The following ADARB2 variants were observed in gnomAD, a reference collection of about 807,000 sequenced individuals.
ADARB2 encodes the protein adenosine deaminase RNA specific B2 (inactive), also known as inactive double-stranded RNA-specific editase B2.
In ADARB2, 25 loss-of-function variants were observed where a neutral mutation model predicts 62.2. The ratio of observed to expected loss-of-function variants is 0.40; its 90% confidence interval spans 0.29 to 0.56. ADARB2 has a LOEUF of 0.56. ADARB2 is among the 20% of genes least tolerant of loss of function. The probability of loss-of-function intolerance (pLI) is 0.43; values close to 1 mark genes in which losing one functional copy is unlikely to be tolerated. For missense variants in ADARB2, 1,071 were observed against 1,077.4 expected (o/e 0.99, Z 0.08); for synonymous variants, 572 against 500.8 (o/e 1.14, Z -1.90).
At chr10:1,364,808 CTCTA>C (rs1331055947) in intron 2 of ADARB2, among the ~76,000 whole-genome samples, 1 of 151,944 alleles carries the variant, frequency 6.6e-6, no homozygotes, top group Non-Finnish European at 1.5e-5. Flanking sequence ...AGTTGAGCAA[CTCTA>C]TCAGCCCACT....
intron 1 of ADARB2, among the ~76,000 whole-genome samples, chr10:1,614,420 T>C (rs1833605745): frequency 6.6e-6 from 1 of 152,260 alleles, no homozygotes; most frequent in Non-Finnish European, 1.5e-5. Flanking sequence ...GCAATGATTT[T>C]ATTTATCTAA....
intron 1 of ADARB2, among the ~76,000 whole-genome samples, chr10:1,605,003 A>G (rs1588320288): frequency 6.6e-6 from 1 of 152,244 alleles, no homozygotes; most frequent in African/African-American, 2.4e-5. Flanking sequence ...CACATTTTCC[A>G]TGCAATTATT....
intron 1 of ADARB2, among the ~76,000 whole-genome samples, chr10:1,592,010 G>A (rs956900776): frequency 1.3e-5 from 2 of 152,306 alleles, no homozygotes; most frequent in Admixed American, 6.5e-5. Flanking sequence ...CCGGCTCTAC[G>A]GCTGACCCTG....
chr10:1,331,399 T>C (rs1248841168), intron 3 of ADARB2, among the ~76,000 whole-genome samples: 2 of 152,196 alleles, frequency 1.3e-5, no homozygotes, highest in Middle Eastern at 3.2e-3. Flanking sequence ...ATTCTGGACA[T>C]CCATACAGTG....
At chr10:1,281,267 T>C (rs1183327512) in intron 3 of ADARB2, among the ~76,000 whole-genome samples, 1 of 152,198 alleles carries the variant, frequency 6.6e-6, no homozygotes, top group Non-Finnish European at 1.5e-5. Flanking sequence ...GTCTTGAGCA[T>C]GTGCTGGGGG....
intron 1 of ADARB2, among the ~76,000 whole-genome samples, chr10:1,465,816 A>G (rs1012879713): frequency 6.6e-6 from 1 of 152,192 alleles, no homozygotes. Context: ...TGGGGCCCCC[A>G]GAGCTAGAGC....
intron 8 of ADARB2, chr10:1,186,357 T>C (rs945577660): frequency 9.7e-6 from 4 of 413,488 alleles, no homozygotes; most frequent in East Asian, 7.2e-5. Context: ...GGAAGATGCA[T>C]GGTCCACACA....
chr10:1,383,346 T>A (rs1250962779), intron 1 of ADARB2, among the ~76,000 whole-genome samples: 3 of 152,322 alleles, frequency 2.0e-5, no homozygotes, highest in Non-Finnish European at 4.4e-5. Context: ...TTCCTAATCA[T>A]CTTGTTTAGA....
At chr10:1,197,897 C>A (rs1007824788) in intron 8 of ADARB2, among the ~76,000 whole-genome samples, 1 of 152,164 alleles carries the variant, frequency 6.6e-6, no homozygotes. Flanking sequence ...GTCAAAGTGG[C>A]TATTTCATCT....
At chr10:1,510,810 A>C (rs1024570425) in intron 1 of ADARB2, among the ~76,000 whole-genome samples, 14 of 152,158 alleles carry the variant, frequency 9.2e-5, no homozygotes, top group Admixed American at 6.5e-5. Context: ...CCACAAAACC[A>C]GTAATCATCA....
chr10:1,440,599 A>G (rs1830893939), intron 1 of ADARB2, among the ~76,000 whole-genome samples: 1 of 152,096 alleles, frequency 6.6e-6, no homozygotes, highest in Non-Finnish European at 1.5e-5. Flanking sequence ...TGCACAACCT[A>G]ATTTATCTGT....
chr10:1,417,900 G>C (rs1282107938), intron 1 of ADARB2, among the ~76,000 whole-genome samples: 1 of 152,290 alleles, frequency 6.6e-6, no homozygotes, highest in Non-Finnish European at 1.5e-5. Flanking sequence ...GGCAGGAAGA[G>C]CAGACGCCAG....
At chr10:1,318,158 CTTA>C (rs1428132524) in intron 3 of ADARB2, among the ~76,000 whole-genome samples, 11 of 152,210 alleles carry the variant, frequency 7.2e-5, no homozygotes, top group Admixed American at 3.3e-4. Context: ...GTTTCTGCTA[CTTA>C]TTATTAGTTT....
At chr10:1,401,261 A>G (rs920371399) in intron 1 of ADARB2, among the ~76,000 whole-genome samples, 3 of 152,144 alleles carry the variant, frequency 2.0e-5, no homozygotes, top group Admixed American at 1.3e-4. Context: ...TCTGGTCGTG[A>G]CTTTCCCACA....
At chr10:1,726,248 G>A (rs1835162728) in intron 1 of ADARB2, among the ~76,000 whole-genome samples, 1 of 152,338 alleles carries the variant, frequency 6.6e-6, no homozygotes, top group African/African-American at 2.4e-5. Flanking sequence ...GTGTGTATGA[G>A]AGAAAAGGAA....
rs1436538777 is a variant in ADARB2, at chr10:1,467,505, A to C, written c.101-88345T>G. On this transcript the variant is annotated intron_variant, in intron 1 of 9. Transcript: ENST00000381312. ...CGTTATTTCTGGGCTGTGTTGATGC[A>C]TGAAGCCACATCTGGCTCAGGATGG... Among the ~76,000 whole-genome samples, 6 of 152,300 alleles carry C rather than the reference A, an allele frequency of 3.9e-5. No individual in the cohort carries two copies. The East Asian group carries it at 1.2e-3, about 29-fold the overall frequency.
chr10:1,318,825 T>C (rs1208025536), intron 3 of ADARB2, among the ~76,000 whole-genome samples: 1 of 152,134 alleles, frequency 6.6e-6, no homozygotes, highest in Non-Finnish European at 1.5e-5. Context: ...GGAGAAAGCA[T>C]CTCTCAGATC....
chr10:1,287,165 G>A (rs1414564889), intron 3 of ADARB2, among the ~76,000 whole-genome samples: 1 of 152,158 alleles, frequency 6.6e-6, no homozygotes, highest in African/African-American at 2.4e-5. Flanking sequence ...TGTCCCCCAC[G>A]ACTGTGCTCA....
intron 1 of ADARB2, among the ~76,000 whole-genome samples, chr10:1,433,922 A>T (rs1048133118): frequency 5.9e-5 from 9 of 152,238 alleles, no homozygotes; most frequent in Non-Finnish European, 1.3e-4. Context: ...TGGTGGCATT[A>T]CCATTATGCT....
Sources: allele counts gnomAD v4.1 joint callset (sites outside exome capture counted in the v4.1 genomes callset), GRCh38; gene constraint gnomAD v4.1.1; transcripts MANE v1.5; gene names NCBI Gene and HGNC (gene_info 2026-07-23, HGNC 2026-07-21).